The following NFKB1 variants were observed in gnomAD, a reference collection of about 807,000 sequenced individuals.
NFKB1 encodes the protein nuclear factor kappa B subunit 1.
In NFKB1, 9 loss-of-function variants were observed where a neutral mutation model predicts 105.1. The ratio of observed to expected loss-of-function variants is 0.09; its 90% CI spans 0.05 to 0.15. The LOEUF (loss-of-function observed/expected upper bound fraction) is 0.15, where lower values mean the gene tolerates loss of function less well. NFKB1 is among the 10% of genes least tolerant of loss of function. The pLI is 1.00. For synonymous variants in NFKB1, 440 were observed against 442.2 expected, an observed-to-expected ratio of 1.00 and a Z score of 0.06; for missense variants, 830 against 1,203.7, an observed-to-expected ratio of 0.69 and a Z score of 4.59.
intron 20 of NFKB1, among the ~76,000 whole-genome samples, 166 bp downstream of exon 20, chr4:102,610,865 A>G (rs903349636): frequency 2.6e-5 from 4 of 152,200 alleles, no homozygotes; most frequent in African/African-American, 9.7e-5. Context: ...AACCCTATCC[A>G]TGAAAGATCT....
intron 7 of NFKB1, 23 bp downstream of exon 7, chr4:102,577,062 TG>T (rs1360737479): frequency 6.2e-7 from 1 of 1,602,604 alleles, no homozygotes; most frequent in Non-Finnish European, 8.5e-7. Context: ...TTCCTGGCCT[TG>T]ATCCTCCAAG....
intron 6 of NFKB1, among the ~76,000 whole-genome samples, chr4:102,571,081 C>A (rs1468659732): frequency 1.3e-5 from 2 of 152,346 alleles, no homozygotes; most frequent in South Asian, 4.1e-4. Flanking sequence ...TGACTTCAAA[C>A]TATACTACAA....
intron 4 of NFKB1, among the ~76,000 whole-genome samples, chr4:102,535,137 A>T (rs1741552412): frequency 6.6e-6 from 1 of 152,164 alleles, no homozygotes; most frequent in African/African-American, 2.4e-5. Context: ...TTCTCAGAGA[A>T]GGTCATCAAT....
intron 5 of NFKB1, among the ~76,000 whole-genome samples, chr4:102,540,569 T>TG (rs1741933200): frequency 1.5e-5 from 1 of 67,538 alleles, no homozygotes; most frequent in South Asian, 4.9e-4. Flanking sequence ...AGTATCCATT[T>TG]ATAAGCATTT....
chr4:102,610,366 G>A (rs188052137), intron 19 of NFKB1, among the ~76,000 whole-genome samples: 2 of 152,318 alleles, frequency 1.3e-5, no homozygotes, highest in Admixed American at 1.3e-4. Flanking sequence ...TATTTCAGGT[G>A]TCATAAGACA....
intron 7 of NFKB1, chr4:102,578,131 T>C (rs1725016625): frequency 3.5e-6 from 1 of 286,708 alleles, no homozygotes; most frequent in Admixed American, 6.5e-5. Context: ...TTTTGCTCTC[T>C]CCTCTTCCTG....
At chr4:102,614,061 C>G (rs1434964152) in intron 23 of NFKB1, among the ~76,000 whole-genome samples, 1 of 152,144 alleles carries the variant, frequency 6.6e-6, no homozygotes, top group Non-Finnish European at 1.5e-5. Context: ...ATTTTATTCT[C>G]CCACTCTGTA....
intron 5 of NFKB1, among the ~76,000 whole-genome samples, chr4:102,545,932 T>C (rs2149136974): frequency 6.6e-6 from 1 of 152,244 alleles, no homozygotes. Flanking sequence ...CGGCACAACG[T>C]GGAAAACTGC....
At chr4:102,540,921 C>T (rs1200635951) in intron 5 of NFKB1, among the ~76,000 whole-genome samples, 1 of 152,122 alleles carries the variant, frequency 6.6e-6, no homozygotes, top group Non-Finnish European at 1.5e-5. Context: ...GTTCTCCATG[C>T]ATCTTTCTAA....
At chr4:102,542,947 GAAA>G (rs1464858326) in intron 5 of NFKB1, among the ~76,000 whole-genome samples, 3 of 152,166 alleles carry the variant, frequency 2.0e-5, no homozygotes, top group Admixed American at 6.5e-5. Flanking sequence ...CCTTTCATAA[GAAA>G]AATTTCCCAT....
At chr4:102,584,624 C>T (rs1725570982) in intron 10 of NFKB1, 58 bp from the exon 11 acceptor site, 2 of 1,431,140 alleles carry the variant, frequency 1.4e-6, no homozygotes, top group South Asian at 1.4e-5. Flanking sequence ...AGTAGCATTA[C>T]TGCAAAAAAA....
intron 5 of NFKB1, among the ~76,000 whole-genome samples, chr4:102,548,465 C>T (rs1312478063): frequency 6.6e-6 from 1 of 152,224 alleles, no homozygotes; most frequent in Non-Finnish European, 1.5e-5. Flanking sequence ...ACTGCGTCGA[C>T]GGTCACTGAG....
Position 102,578,987 on chromosome 4 carries a change from C to A in NFKB1, c.678C>A (p.Gly226=), listed in dbSNP as rs1171134028. Residue 226 remains glycine, a synonymous_variant, in exon 8 of 24, where the codon GGC becomes GGA. Coordinates refer to ENST00000226574, the MANE Select transcript of NFKB1 (RefSeq NM_003998.4). ...MFTAFLPDST[G]SFTRRLEPVV... ...CAGCTTTTCTTCCGGATAGCACTGG[C>A]AGCTTCACAAGGCGCCTGGAACCCG... 2 of 1,614,114 alleles carry A rather than the reference C, an allele frequency of 1.2e-6. No individual in the cohort carries two copies. The highest frequency in any genetic ancestry group is 1.7e-6 in the Non-Finnish European group (2 of 1,179,992).
At chr4:102,559,912 T>C (rs1256208472) in intron 5 of NFKB1, among the ~76,000 whole-genome samples, 3 of 146,686 alleles carry the variant, frequency 2.0e-5, no homozygotes, top group Admixed American at 1.4e-4. Flanking sequence ...TACTCCAGCC[T>C]GAATGGCAGA....
rs571135082 is a variant in NFKB1, at chr4:102,518,189, G to T, written c.-7-7323G>T. Among the ~76,000 whole-genome samples, 4 of 152,300 alleles carry T rather than the reference G, an allele frequency of 2.6e-5. No homozygotes were observed. The South Asian group carries it at 8.3e-4, about 32-fold the overall frequency. On this transcript the variant is annotated intron_variant, in intron 1 of 23. Transcript: ENST00000226574. ...TGCAAAGTCAAAAATGGGGCTCATTGCAGCAGGAATGATGAAATTGCTTTT... is the reference window on the plus strand; with the variant it reads ...TGCAAAGTCAAAAATGGGGCTCATTTCAGCAGGAATGATGAAATTGCTTTT...
intron 7 of NFKB1, chr4:102,578,659 T>G: frequency 5.9e-6 from 3 of 512,306 alleles, no homozygotes; most frequent in Non-Finnish European, 6.9e-6. Context: ...GGAAGAGAGT[T>G]TTTACTGTAA....
rs183913778 is a variant in NFKB1, at chr4:102,617,049, A to G, written c.*455A>G. 7.1e-6 allele frequency: 1 copy of G among 140,380 alleles called. No homozygotes were observed. Among genetic ancestry groups the G allele is most frequent in the Admixed American group, 6.9e-5 (1 of 14,556 alleles). The allele number at this position is 140,380 out of a possible 1,614,324, so 8.7% of individuals were successfully genotyped here. ...TGAGAGTCACTTGATGTGCCATTTT[A>G]AAAAAAAAGGCATATTGCTTTTTCT... On this transcript the variant is annotated 3_prime_UTR_variant, in exon 24 of 24. Transcript: ENST00000226574.
intron 1 of NFKB1, among the ~76,000 whole-genome samples, chr4:102,516,444 A>G (rs11934404): frequency 0.61 from 91,758 of 151,638 alleles, 28,605 homozygotes; most frequent in African/African-American, 0.76. Flanking sequence ...ACTTCTTTCT[A>G]CCTTTTTTTC....
intron 1 of NFKB1, among the ~76,000 whole-genome samples, chr4:102,506,915 ATATT>A (rs1328403740): frequency 6.6e-6 from 1 of 151,152 alleles, no homozygotes; most frequent in African/African-American, 2.4e-5. Context: ...ATACTGATAT[ATATT>A]AGTTACATAT....
Sources: allele counts gnomAD v4.1 joint callset (sites outside exome capture counted in the v4.1 genomes callset), GRCh38; gene constraint gnomAD v4.1.1; transcripts MANE v1.5; gene names NCBI Gene and HGNC (gene_info 2026-07-23, HGNC 2026-07-21).